HGD: variants seen among roughly 807,000 people sequenced by gnomAD.
HGD encodes homogentisate oxidase.
Under a neutral mutation model 60.8 loss-of-function variants are expected in HGD, and 61 were observed. That is an observed-to-expected ratio of 1.00 (90% CI 0.82 to 1.24). HGD has a LOEUF of 1.24. Ranked by LOEUF, HGD falls within the 50% of genes most tolerant of loss-of-function variation. The pLI is 0.00. For missense variants in HGD, 542 were observed against 547.1 expected (o/e 0.99, Z 0.09); for synonymous variants, 212 against 187.7 (o/e 1.13, Z -1.06).
rs1220218999 is a variant in HGD, at chr3:120,628,372, T to G, written c.*8A>C. ...TCTACTCTTAATTATGGTAGCAATG[T>G]TCCAGTCTCAATTAGGTTCTGCTGG... is the stretch of plus-strand genomic sequence containing the variant. On this transcript the variant is annotated 3_prime_UTR_variant, in exon 14 of 14. Coordinates refer to ENST00000283871, the MANE Select transcript of HGD (RefSeq NM_000187.4). The G allele has an allele frequency of 2.5e-6, 4 of 1,613,568 alleles. No homozygotes were observed. Among genetic ancestry groups the G allele is most frequent in the Non-Finnish European group, 1.7e-6 (2 of 1,179,574 alleles).
chr3:120,644,679 G>A, intron 9 of HGD: 2 of 1,411,886 alleles, frequency 1.4e-6, no homozygotes, highest in Admixed American at 2.0e-5. Context: ...GAGTGACTAT[G>A]GTTAACAAAA....
Position 120,633,498 on chromosome 3 carries a change from T to C in HGD, c.1007-170A>G, listed in dbSNP as rs530704033. 9.0e-5 allele frequency: 137 copies of C among 1,523,328 alleles called. 1 individual carries two copies. The South Asian group carries it at 1.3e-3, about 15-fold the overall frequency. 94.4% of individuals were successfully genotyped at this position (1,523,328 alleles called of 1,614,324 possible). On this transcript the variant is annotated intron_variant, in intron 12 of 13. Transcript: ENST00000283871. ...CAGAAGAACAATCATAAAACATTCA[T>C]ATTGGCATTCTTGGCAGGCACAGCT...
At chr3:120,647,402 A>AAAC (rs1393156561) in intron 7 of HGD, among the ~76,000 whole-genome samples, 2 of 152,210 alleles carry the variant, frequency 1.3e-5, no homozygotes, top group Non-Finnish European at 2.9e-5. Context: ...ATACACGAAA[A>AAAC]TGTTGATTCC....
chr3:120,682,123 T>G lies in HGD; in HGVS notation c.-12A>C. 2 of 1,613,912 alleles carry G rather than the reference T, an allele frequency of 1.2e-6. No individual in the cohort carries two copies. The highest frequency in any genetic ancestry group is 1.7e-6 in the Non-Finnish European group (2 of 1,179,778). On this transcript the variant is annotated 5_prime_UTR_variant, in exon 1 of 14. Transcript: ENST00000283871. Reference sequence around the variant, plus strand: ...TTTAACTCAGCCATTTTCTCTCTCCTCTATGTGTGGTGACTTCAGGAAACC... The same window carrying G: ...TTTAACTCAGCCATTTTCTCTCTCCGCTATGTGTGGTGACTTCAGGAAACC...
intron 7 of HGD, 23 bp from the exon 8 acceptor site, chr3:120,647,075 T>G: frequency 5.7e-6 from 9 of 1,583,394 alleles, no homozygotes; most frequent in Non-Finnish European, 7.8e-6. Flanking sequence ...GACAGGGCAG[T>G]GGTGAGCAAT....
At chr3:120,666,204 G>A (rs773157072) in intron 4 of HGD, among the ~76,000 whole-genome samples, 5 of 152,150 alleles carry the variant, frequency 3.3e-5, no homozygotes, top group Admixed American at 6.5e-5. Context: ...ACACTGAGAC[G>A]CTATTGAATT....
chr3:120,640,730 CT>C (rs1218306257), intron 11 of HGD, among the ~76,000 whole-genome samples: 2 of 152,086 alleles, frequency 1.3e-5, no homozygotes, highest in Non-Finnish European at 1.5e-5. Context: ...CTTTTTCGTG[CT>C]GTTTGTTTGG....
chr3:120,655,322 A>G (rs1373691108), intron 4 of HGD, among the ~76,000 whole-genome samples: 3 of 152,234 alleles, frequency 2.0e-5, no homozygotes, highest in African/African-American at 7.2e-5. Context: ...TACATTTCAT[A>G]GTGAAGAGAA....
intron 1 of HGD, among the ~76,000 whole-genome samples, chr3:120,679,726 A>T (rs1353737865): frequency 1.3e-5 from 2 of 152,210 alleles, no homozygotes; most frequent in Non-Finnish European, 2.9e-5. Flanking sequence ...GGAAGAGGCT[A>T]CAAACCAAGG....
At chr3:120,674,661 ATGGAAC>A in intron 3 of HGD, 1 of 457,990 alleles carries the variant, frequency 2.2e-6, no homozygotes. Context: ...TAATTTGTAA[ATGGAAC>A]TGGACATGTG....
At chr3:120,663,800 T>A (rs984839765) in intron 4 of HGD, among the ~76,000 whole-genome samples, 1 of 151,616 alleles carries the variant, frequency 6.6e-6, no homozygotes, top group Admixed American at 6.6e-5. Flanking sequence ...ATTTATTGGA[T>A]TATAATATAA....
intron 11 of HGD, among the ~76,000 whole-genome samples, chr3:120,639,899 G>C (rs1364064719): frequency 6.6e-6 from 1 of 151,976 alleles, no homozygotes; most frequent in Non-Finnish European, 1.5e-5. Context: ...TAGTGAGAAG[G>C]TTGAGATTCA....
At chr3:120,639,028 G>A (rs543943852) in intron 11 of HGD, among the ~76,000 whole-genome samples, 4 of 152,132 alleles carry the variant, frequency 2.6e-5, no homozygotes, top group East Asian at 3.9e-4. Context: ...CTCCTCCTTC[G>A]CCTTCCACCA....
At chr3:120,675,067 G>A in intron 2 of HGD, 78 bp from the exon 3 acceptor site, 2 of 929,810 alleles carry the variant, frequency 2.2e-6, no homozygotes, top group Non-Finnish European at 3.6e-6. Flanking sequence ...ACTCAGTAGG[G>A]GGATGGGGAT....
chr3:120,674,747 G>GT (rs757679446), intron 3 of HGD, 154 bp downstream of exon 3: 2 of 656,544 alleles, frequency 3.0e-6, no homozygotes, highest in Non-Finnish European at 5.7e-6. Flanking sequence ...CTGGCAGGAA[G>GT]TTCATTCTCT....
intron 11 of HGD, among the ~76,000 whole-genome samples, chr3:120,640,642 C>T (rs1471377827): frequency 1.3e-5 from 2 of 152,230 alleles, no homozygotes; most frequent in Non-Finnish European, 2.9e-5. Context: ...ATTTCTTCAA[C>T]TGTCATGGGA....
At chr3:120,638,325 G>T in intron 12 of HGD, 130 bp downstream of exon 12, 1 of 1,116,374 alleles carries the variant, frequency 9.0e-7, no homozygotes, top group Non-Finnish European at 1.4e-6. Flanking sequence ...TAGGCCTTGT[G>T]CAGCAGGATC....
At chr3:120,659,096 C>T (rs553217770) in intron 4 of HGD, among the ~76,000 whole-genome samples, 5 of 152,292 alleles carry the variant, frequency 3.3e-5, no homozygotes, top group African/African-American at 1.2e-4. Flanking sequence ...GCATTTGGCT[C>T]CTTTTTATTT....
chr3:120,661,379 A>G (rs888836723), intron 4 of HGD, among the ~76,000 whole-genome samples: 7 of 152,132 alleles, frequency 4.6e-5, no homozygotes, highest in African/African-American at 1.7e-4. Flanking sequence ...ATCCCCTTAT[A>G]TTAATTATTT....
Sources: allele counts gnomAD v4.1 joint callset (sites outside exome capture counted in the v4.1 genomes callset), GRCh38; gene constraint gnomAD v4.1.1; transcripts MANE v1.5; gene names NCBI Gene and HGNC (gene_info 2026-07-23, HGNC 2026-07-21).